DNAAF4: variants seen among roughly 807,000 people sequenced by gnomAD.
DNAAF4 encodes dynein axonemal assembly factor 4.
A neutral mutation model predicts 51.8 loss-of-function variants in DNAAF4; 43 were observed. The observed-to-expected ratio is 0.83, with a 90% confidence interval of 0.65 to 1.07. The LOEUF (loss-of-function observed/expected upper bound fraction) is 1.07. Ranked by LOEUF, DNAAF4 falls within the 50% of genes least tolerant of loss-of-function variation. The pLI is 0.00. For missense variants in DNAAF4, 581 were observed against 493.0 expected (o/e 1.18, Z -1.69); for synonymous variants, 194 against 165.6 (o/e 1.17, Z -1.32).
At chr15:55,492,098 G>T (rs796510232) in intron 3 of DNAAF4, among the ~76,000 whole-genome samples, 10 of 151,898 alleles carry the variant, frequency 6.6e-5, no homozygotes, top group African/African-American at 2.4e-4. Context: ...CTCAAGCGAT[G>T]CTCCTACCTT....
At chr15:55,491,738 TATA>T (rs200282425) in intron 3 of DNAAF4, among the ~76,000 whole-genome samples, 3,522 of 141,056 alleles carry the variant, frequency 0.025, 140 homozygotes, top group African/African-American at 0.087. Context: ...TAATATAATA[TATA>T]ATATTATATT....
At chr15:55,456,237 C>T (rs1462306333) in intron 5 of DNAAF4, among the ~76,000 whole-genome samples, 1 of 151,916 alleles carries the variant, frequency 6.6e-6, no homozygotes, top group Non-Finnish European at 1.5e-5. Flanking sequence ...CACCCACCAC[C>T]ACGTCCGGCT....
chr15:55,506,352 A>T (rs1039346420), intron 1 of DNAAF4, among the ~76,000 whole-genome samples: 1 of 152,206 alleles, frequency 6.6e-6, no homozygotes, highest in African/African-American at 2.4e-5. Flanking sequence ...GCAAGTTCCT[A>T]GGTGATGCTG....
chr15:55,446,303 G>GC (rs911502303), intron 6 of DNAAF4, among the ~76,000 whole-genome samples: 1 of 109,098 alleles, frequency 9.2e-6, no homozygotes, highest in African/African-American at 3.9e-5. Flanking sequence ...AGACGGGGGG[G>GC]GGGGGCAGCT....
intron 4 of DNAAF4, among the ~76,000 whole-genome samples, chr15:55,474,513 G>A (rs59528426): frequency 0.21 from 31,821 of 150,404 alleles, 4,179 homozygotes; most frequent in Non-Finnish European, 0.3. Context: ...CAGCCTGGGC[G>A]ACAGCGTGAG....
At chr15:55,455,387 A>AATATAT (rs10688653) in intron 5 of DNAAF4, among the ~76,000 whole-genome samples, 10,502 of 127,102 alleles carry the variant, frequency 0.083, 509 homozygotes, top group East Asian at 0.18. Flanking sequence ...TAGCAAATTG[A>AATATAT]ATATATATAT....
intron 4 of DNAAF4, among the ~76,000 whole-genome samples, chr15:55,474,286 A>G (rs950034579): frequency 4.6e-5 from 7 of 152,192 alleles, no homozygotes; most frequent in African/African-American, 1.7e-4. Context: ...CTATAATCTC[A>G]ACACTTTGGG....
chr15:55,429,426 G>A (rs1201059802), downstream of DNAAF4, among the ~76,000 whole-genome samples: 1 of 151,242 alleles, frequency 6.6e-6, no homozygotes, highest in Non-Finnish European at 1.5e-5. Context: ...CCTGAGGCAG[G>A]AGAATCCCTT....
intron 4 of DNAAF4, among the ~76,000 whole-genome samples, chr15:55,487,054 G>C (rs1027755578): frequency 2.6e-5 from 4 of 152,186 alleles, no homozygotes; most frequent in African/African-American, 9.6e-5. Context: ...CCTTAAGAGA[G>C]TTCTCTATAA....
chr15:55,443,042 CTTG>C, intron 6 of DNAAF4: 1 of 1,611,076 alleles, frequency 6.2e-7, no homozygotes, highest in South Asian at 1.1e-5. Flanking sequence ...GCCTGTGACA[CTTG>C]TTCTTCTTTC....
At chr15:55,450,890 G>A (rs764279808) in intron 5 of DNAAF4, among the ~76,000 whole-genome samples, 25 of 152,166 alleles carry the variant, frequency 1.6e-4, no homozygotes, top group Admixed American at 2.6e-4. Context: ...CTGAGGTCAG[G>A]AGTTCAAGAC....
chr15:55,434,627 G>A (rs1595891698), intron 8 of DNAAF4, among the ~76,000 whole-genome samples: 1 of 152,044 alleles, frequency 6.6e-6, no homozygotes, highest in East Asian at 1.9e-4. Flanking sequence ...GAGCCCAGGA[G>A]TTCGAGACCT....
intron 4 of DNAAF4, among the ~76,000 whole-genome samples, chr15:55,484,924 G>T (rs2058465839): frequency 6.6e-6 from 1 of 152,178 alleles, no homozygotes; most frequent in African/African-American, 2.4e-5. Context: ...TTAAGGGTGG[G>T]TCTGCCTTTC....
intron 4 of DNAAF4, among the ~76,000 whole-genome samples, chr15:55,486,117 T>C (rs1159135340): frequency 6.6e-6 from 1 of 151,578 alleles, no homozygotes; most frequent in Non-Finnish European, 1.5e-5. Context: ...CATATCCCTA[T>C]ACCTCCACCT....
intron 5 of DNAAF4, among the ~76,000 whole-genome samples, chr15:55,458,870 G>A (rs1345165936): frequency 1.3e-5 from 2 of 152,024 alleles, no homozygotes; most frequent in Admixed American, 6.6e-5. Context: ...TCAGGAGTTC[G>A]AGACCAGCCT....
At position 55,498,357 on chromosome 15, in the gene DNAAF4, GGCTGGTTGCTTCTTGCGCCT is replaced by G. The variant is rs774891449; in HGVS notation, c.-48_-29del. On this transcript the variant is annotated 5_prime_UTR_variant, in exon 2 of 10. Transcript: ENST00000321149. Reference sequence around the variant, plus strand: ...CGGTAGCAACGGGAGCGGATAGCGCGGCTGGTTGCTTCTTGCGCCTGCTTGGTTGCTAGGGAAGCTGGGGT... The same window carrying G: ...CGGTAGCAACGGGAGCGGATAGCGCGGCTTGGTTGCTAGGGAAGCTGGGGT... 1.1e-5 allele frequency: 17 copies of G among 1,590,364 alleles called. No individual in the cohort carries two copies. Among genetic ancestry groups the G allele is most frequent in the Admixed American group, 1.7e-5 (1 of 57,576 alleles).
chr15:55,421,842 T>C (rs944164879), intron 7 of DNAAF4, among the ~76,000 whole-genome samples: 3 of 150,860 alleles, frequency 2.0e-5, no homozygotes, highest in Non-Finnish European at 4.4e-5. Flanking sequence ...TGAGCCGATA[T>C]CACACCATTG....
At chr15:55,498,156 A>T (rs746328841) in intron 2 of DNAAF4, 51 bp downstream of exon 2, 36 of 1,611,982 alleles carry the variant, frequency 2.2e-5, no homozygotes, top group Non-Finnish European at 3.1e-5. Context: ...GCTCTTGCAG[A>T]AGCTTCGGAC....
intron 5 of DNAAF4, among the ~76,000 whole-genome samples, chr15:55,450,754 A>G (rs1567011997): frequency 6.6e-6 from 1 of 152,154 alleles, no homozygotes; most frequent in Non-Finnish European, 1.5e-5. Flanking sequence ...TATCTCCTAT[A>G]TGCTTTCTTA....
Sources: allele counts gnomAD v4.1 joint callset (sites outside exome capture counted in the v4.1 genomes callset), GRCh38; gene constraint gnomAD v4.1.1; transcripts MANE v1.5; gene names NCBI Gene and HGNC (gene_info 2026-07-23, HGNC 2026-07-21).